The following RAP1GDS1 variants were observed in gnomAD, a reference collection of about 807,000 sequenced individuals.
The protein encoded by RAP1GDS1 is Rap1 GTPase-GDP dissociation stimulator 1.
In RAP1GDS1, 35 loss-of-function variants were observed where a neutral mutation model predicts 71.1. The ratio of observed to expected loss-of-function variants is 0.49; its 90% CI spans 0.38 to 0.65. RAP1GDS1 has a LOEUF of 0.65. Among genes scored for constraint, RAP1GDS1 ranks in the 30% least tolerant of loss-of-function variants. The pLI is 0.00. For synonymous variants in RAP1GDS1, 229 were observed against 243.1 expected, an observed-to-expected ratio of 0.94 and a Z score of 0.54; for missense variants, 663 against 706.1, an observed-to-expected ratio of 0.94 and a Z score of 0.69.
intron 6 of RAP1GDS1, among the ~76,000 whole-genome samples, chr4:98,394,517 C>G (rs2110133276): frequency 6.6e-6 from 1 of 151,996 alleles, no homozygotes; most frequent in East Asian, 1.9e-4. Flanking sequence ...AAAAGAAGAT[C>G]CTGGATCTGT....
intron 2 of RAP1GDS1, among the ~76,000 whole-genome samples, chr4:98,306,217 C>T (rs921782339): frequency 1.3e-5 from 2 of 152,102 alleles, no homozygotes; most frequent in Non-Finnish European, 2.9e-5. Flanking sequence ...TACCACACAC[C>T]GGCTATATTA....
At chr4:98,313,118 TG>T (rs897774668) in intron 2 of RAP1GDS1, among the ~76,000 whole-genome samples, 1 of 140,042 alleles carries the variant, frequency 7.1e-6, no homozygotes, top group African/African-American at 2.7e-5. Context: ...CATGCAATTA[TG>T]GGGGTTGCAA....
chr4:98,416,696 C>G (rs746910526), intron 7 of RAP1GDS1, 49 bp from the exon 8 acceptor site: 1 of 1,510,288 alleles, frequency 6.6e-7, no homozygotes, highest in Middle Eastern at 1.8e-4. Context: ...TATACCAGAG[C>G]TCCTATTTTA....
chr4:98,376,480 G>GA (rs2110477802), intron 4 of RAP1GDS1, among the ~76,000 whole-genome samples: 1 of 152,106 alleles, frequency 6.6e-6, no homozygotes, highest in South Asian at 2.1e-4. Context: ...AATACTACTG[G>GA]AAAAATAAGT....
At chr4:98,344,322 C>T (rs866796150) in intron 3 of RAP1GDS1, among the ~76,000 whole-genome samples, 2 of 152,104 alleles carry the variant, frequency 1.3e-5, no homozygotes, top group African/African-American at 2.4e-5. Context: ...CCTGGACCAA[C>T]CCCTATCTGA....
chr4:98,299,342 A>G (rs1016059541), intron 2 of RAP1GDS1, among the ~76,000 whole-genome samples: 3 of 152,196 alleles, frequency 2.0e-5, no homozygotes, highest in Non-Finnish European at 4.4e-5. Flanking sequence ...AGTCTTTGCT[A>G]TTGTGAACAG....
At chr4:98,346,694 A>T (rs1736352015) in intron 3 of RAP1GDS1, among the ~76,000 whole-genome samples, 1 of 151,974 alleles carries the variant, frequency 6.6e-6, no homozygotes, top group African/African-American at 2.4e-5. Context: ...ACAGGCACGT[A>T]CCACCACACC....
chr4:98,378,600 A>ATGAC (rs1321481101), intron 4 of RAP1GDS1, among the ~76,000 whole-genome samples: 1 of 151,964 alleles, frequency 6.6e-6, no homozygotes, highest in African/African-American at 2.4e-5. Context: ...TTGAAAACCA[A>ATGAC]TGACAAAAAG....
chr4:98,433,259 A>T (rs910804164), intron 12 of RAP1GDS1, among the ~76,000 whole-genome samples: 4 of 152,186 alleles, frequency 2.6e-5, no homozygotes, highest in African/African-American at 9.7e-5. Context: ...GAACATCTGC[A>T]GAACAACTAC....
chr4:98,417,441 A>G lies in RAP1GDS1; in HGVS notation c.982A>G (p.Asn328Asp). ...FQRVLSWIPS[N>D]NHQLQLAGAL... is the part of the protein sequence containing the mutation. ...AAGGGTACTCTCTTGGATCCCATCAAATAACCACCAGCTACAGCTTGCTGG... is the reference window on the plus strand; with the variant it reads ...AAGGGTACTCTCTTGGATCCCATCAGATAACCACCAGCTACAGCTTGCTGG... Residue 328 changes from asparagine (N) to aspartate (D), a missense_variant, in exon 9 of 15, where the codon AAT becomes GAT. Physicochemically the swap from Asn to Asp is conservative, Grantham distance 23. Transcript: ENST00000408927. 1 of 1,613,928 alleles carries G rather than the reference A, an allele frequency of 6.2e-7. No individual in the cohort carries two copies. The highest frequency in any genetic ancestry group is 2.2e-5 in the East Asian group (1 of 44,842).
chr4:98,347,159 G>C (rs776574280), intron 3 of RAP1GDS1, among the ~76,000 whole-genome samples: 3 of 152,160 alleles, frequency 2.0e-5, no homozygotes, highest in Non-Finnish European at 4.4e-5. Flanking sequence ...GGTAAAAGTG[G>C]AGAAAGTAGA....
Position 98,440,690 on chromosome 4 carries a change from G to GTGT in RAP1GDS1, c.1697-1282_1697-1280dup, listed in dbSNP as rs373996919. On this transcript the variant is annotated intron_variant, in intron 14 of 14. Transcript: ENST00000408927. ...CTTTGCCCATTTTTAGAATTGAAGG[G>GTGT]TGTTGTTGTTGTTGTTGTTGAATTG... 7.9e-3 allele frequency among the ~76,000 whole-genome samples: 1,204 copies of GTGT among 152,106 alleles called. 22 individuals are homozygous for GTGT. The highest frequency in any genetic ancestry group is 0.028 in the African/African-American group (1,160 of 41,512).
intron 2 of RAP1GDS1, among the ~76,000 whole-genome samples, chr4:98,323,963 G>C (rs1217748526): frequency 6.2e-5 from 9 of 145,564 alleles, no homozygotes; most frequent in Admixed American, 1.4e-4. Context: ...TATTCAATTA[G>C]GAAAAGAGGA....
intron 12 of RAP1GDS1, among the ~76,000 whole-genome samples, chr4:98,425,974 C>T (rs1277324327): frequency 2.0e-5 from 3 of 152,150 alleles, no homozygotes; most frequent in African/African-American, 7.2e-5. Context: ...TATAATAGAC[C>T]ACAAAACAAG....
chr4:98,270,939 C>T (rs530615810), intron 1 of RAP1GDS1, among the ~76,000 whole-genome samples: 1 of 152,102 alleles, frequency 6.6e-6, no homozygotes, highest in African/African-American at 2.4e-5. Context: ...TTTCTTTTCT[C>T]TAGCTTACCT....
Position 98,343,670 on chromosome 4 carries a change from A to G in RAP1GDS1, c.235+409A>G, listed in dbSNP as rs570572470. ...TTTTAGTTTGGCCTATTGTTCCGAC[A>G]TTGGCACTTCAACAGTATAGTTGGA... On this transcript the variant is annotated intron_variant, in intron 3 of 14. Coordinates refer to ENST00000408927, the MANE Select transcript of RAP1GDS1 (RefSeq NM_001100427.2). 2.4e-4 allele frequency among the ~76,000 whole-genome samples: 37 copies of G among 152,300 alleles called. No homozygotes were observed. In the South Asian group the frequency reaches 4.8e-3, roughly 20 times the overall value.
chr4:98,387,455 T>C (rs923775178), intron 5 of RAP1GDS1: 1 of 456,010 alleles, frequency 2.2e-6, no homozygotes, highest in Non-Finnish European at 4.4e-6. Context: ...CTTTGGAGTT[T>C]CCATGAGTGT....
intron 7 of RAP1GDS1, among the ~76,000 whole-genome samples, chr4:98,414,649 T>G (rs1193991803): frequency 6.7e-6 from 1 of 149,998 alleles, no homozygotes; most frequent in African/African-American, 2.5e-5. Flanking sequence ...TCAGGTAGTG[T>G]GATGCCTCCA....
At chr4:98,420,332 C>A (rs1748640840) in intron 11 of RAP1GDS1, among the ~76,000 whole-genome samples, 188 bp downstream of exon 11, 1 of 150,070 alleles carries the variant, frequency 6.7e-6, no homozygotes, top group African/African-American at 2.4e-5. Context: ...TTTATTTATA[C>A]ATATTATTTA....
Sources: gnomAD v4.1 joint callset for allele counts (sites outside exome capture counted in the v4.1 genomes callset) on GRCh38, gnomAD v4.1.1 for gene constraint, MANE v1.5 for transcripts, NCBI Gene and HGNC (gene_info 2026-07-23, HGNC 2026-07-21) for gene names.